The following CSMD1 variants were observed in gnomAD, a reference collection of about 807,000 sequenced individuals.
CSMD1 encodes CUB and Sushi multiple domains 1.
Under a neutral mutation model 417.5 loss-of-function variants are expected in CSMD1, and 213 were observed. The ratio of observed to expected loss-of-function variants is 0.51; its 90% CI spans 0.46 to 0.57. CSMD1 has a LOEUF of 0.57. CSMD1 is among the 20% of genes least tolerant of loss of function. The pLI is 0.00. For missense variants in CSMD1, 6,923 were observed against 4,529.7 expected (o/e 1.53, Z -15.17); for synonymous variants, 2,862 against 1,736.8 (o/e 1.65, Z -16.11).
At chr8:4,631,027 G>A (rs1157501012) in intron 2 of CSMD1, among the ~76,000 whole-genome samples, 1 of 152,136 alleles carries the variant, frequency 6.6e-6, no homozygotes, top group Non-Finnish European at 1.5e-5. Flanking sequence ...TTCACCCTCT[G>A]ATTATCAATC....
chr8:4,453,657 G>A (rs1328369661), intron 2 of CSMD1, among the ~76,000 whole-genome samples: 1 of 151,874 alleles, frequency 6.6e-6, no homozygotes, highest in Non-Finnish European at 1.5e-5. Context: ...TCTAGCCCCC[G>A]ACACCTGCAG....
intron 18 of CSMD1, chr8:3,373,677 T>C (rs187413702): frequency 1.3e-5 from 2 of 152,320 alleles, no homozygotes; most frequent in South Asian, 2.1e-4. Flanking sequence ...TGCTCATAAT[T>C]TGAATTATGT....
chr8:4,519,082 T>G (rs1387339305), intron 2 of CSMD1, among the ~76,000 whole-genome samples: 1 of 152,200 alleles, frequency 6.6e-6, no homozygotes, highest in African/African-American at 2.4e-5. Flanking sequence ...TTCCCACCAA[T>G]TTAATCTCAT....
intron 5 of CSMD1, among the ~76,000 whole-genome samples, chr8:3,950,702 G>A (rs1811543617): frequency 6.6e-6 from 1 of 151,876 alleles, no homozygotes; most frequent in South Asian, 2.1e-4. Context: ...ATGGAGCACA[G>A]GATAAAACTT....
At chr8:4,114,565 G>GCAAGT (rs1554454289) in intron 3 of CSMD1, among the ~76,000 whole-genome samples, 6 of 152,082 alleles carry the variant, frequency 3.9e-5, no homozygotes, top group Admixed American at 6.6e-5. Flanking sequence ...CTTAATAAAT[G>GCAAGT]CATAAGTCTA....
At chr8:3,186,192 T>G (rs985279931) in intron 36 of CSMD1, among the ~76,000 whole-genome samples, 6 of 152,188 alleles carry the variant, frequency 3.9e-5, no homozygotes, top group African/African-American at 1.4e-4. Flanking sequence ...ATGTTTTTAA[T>G]GAGAGAGGCC....
rs1201988082 is a variant in CSMD1 at position 2,998,026 on chromosome 8, G to T, written c.8362C>A (p.Leu2788Met). Residue 2788 changes from leucine to methionine, a missense_variant, in exon 54 of 70, where the codon CTG becomes ATG. Leu to Met is a conservative substitution (Grantham distance 15). Coordinates refer to ENST00000635120, the MANE Select transcript of CSMD1 (RefSeq NM_033225.6). ...CRSNGQWSSP[L>M]PTCRVVNCSD... is the part of the protein sequence containing the mutation. ...CTGTTCCTACCTCGACACGTGGGCA[G>T]AGGGCTACTCCACTGGCCGTTGCTC... is the stretch of plus-strand genomic sequence containing the variant. 1.9e-6 allele frequency: 3 copies of T among 1,613,740 alleles called. No homozygotes were observed. Among genetic ancestry groups the T allele is most frequent in the African/African-American group, 1.3e-5 (1 of 74,936 alleles).
At chr8:3,839,617 A>G in intron 5 of CSMD1, among the ~76,000 whole-genome samples, 1 of 139,414 alleles carries the variant, frequency 7.2e-6, no homozygotes, top group Admixed American at 8.0e-5. Flanking sequence ...TGCCCACTGC[A>G]CTCCAGCCTG....
At chr8:4,482,399 T>C (rs980163486) in intron 2 of CSMD1, among the ~76,000 whole-genome samples, 3 of 152,200 alleles carry the variant, frequency 2.0e-5, no homozygotes, top group Admixed American at 6.5e-5. Flanking sequence ...TCCAGCTCCA[T>C]CCATGCTCCT....
At chr8:4,538,703 A>T (rs1344809597) in intron 2 of CSMD1, among the ~76,000 whole-genome samples, 1 of 152,206 alleles carries the variant, frequency 6.6e-6, no homozygotes, top group Non-Finnish European at 1.5e-5. Flanking sequence ...CCTGGATAAG[A>T]CACTTGTCAT....
intron 3 of CSMD1, among the ~76,000 whole-genome samples, chr8:4,115,553 T>C (rs746707935): frequency 1.3e-5 from 2 of 152,206 alleles, no homozygotes; most frequent in African/African-American, 4.8e-5. Context: ...TAATTCATAA[T>C]TTATTATTTG....
At chr8:4,241,551 G>C (rs1401525658) in intron 3 of CSMD1, among the ~76,000 whole-genome samples, 1 of 152,144 alleles carries the variant, frequency 6.6e-6, no homozygotes, top group East Asian at 1.9e-4. Flanking sequence ...CTATGTCCAT[G>C]CTTAGCACAA....
chr8:3,307,953 CTCCTGACCGTT>C, intron 24 of CSMD1, 132 bp from the exon 25 acceptor site: 4 of 986,532 alleles, frequency 4.1e-6, no homozygotes, highest in Non-Finnish European at 5.8e-6. Context: ...TCATCTCTCT[CTCCTGACCGTT>C]TCAATATTTC....
rs1180617720 is a variant in CSMD1 at position 3,407,392 on chromosome 8, GATGGATGGAAGGATGA to G, written c.2071+491_2071+506del. Among the ~76,000 whole-genome samples the G allele has an allele frequency of 4.6e-5, 7 of 151,336 alleles. No individual in the cohort carries two copies. In the South Asian group the frequency reaches 8.4e-4, roughly 18 times the overall value. ...TAAACAATGGATTGATGGAACGATG[GATGGATGGAAGGATGA>G]ATGGATGGAAGGATGGATGGATAGA... On this transcript the variant is annotated intron_variant, in intron 14 of 69. Coordinates refer to ENST00000635120, the MANE Select transcript of CSMD1 (RefSeq NM_033225.6).
chr8:3,457,312 C>T (rs1816214606), intron 12 of CSMD1, among the ~76,000 whole-genome samples: 3 of 152,194 alleles, frequency 2.0e-5, no homozygotes, highest in African/African-American at 7.2e-5. Flanking sequence ...CCCTGACCTT[C>T]AGCTCACATC....
At chr8:4,702,180 G>A (rs1204370479) in intron 1 of CSMD1, among the ~76,000 whole-genome samples, 1 of 152,094 alleles carries the variant, frequency 6.6e-6, no homozygotes, top group Non-Finnish European at 1.5e-5. Context: ...CTAGGTGATG[G>A]GTTGACAGGT....
At chr8:4,013,747 T>A (rs551740947) in intron 4 of CSMD1, among the ~76,000 whole-genome samples, 1 of 152,336 alleles carries the variant, frequency 6.6e-6, no homozygotes, top group Admixed American at 6.5e-5. Flanking sequence ...AGCTTGTGGG[T>A]TACATTCAGT....
chr8:4,062,375 T>C (rs1172411913), intron 3 of CSMD1, among the ~76,000 whole-genome samples: 1 of 152,038 alleles, frequency 6.6e-6, no homozygotes, highest in Non-Finnish European at 1.5e-5. Flanking sequence ...TGGCTTTTTC[T>C]CAAGCAATAA....
chr8:4,179,374 T>C (rs1283780996), intron 3 of CSMD1, among the ~76,000 whole-genome samples: 1 of 152,144 alleles, frequency 6.6e-6, no homozygotes, highest in Non-Finnish European at 1.5e-5. Context: ...TGGCTAGCCA[T>C]ATGTAGAAAG....
Sources: allele counts gnomAD v4.1 joint callset (sites outside exome capture counted in the v4.1 genomes callset), GRCh38; gene constraint gnomAD v4.1.1; transcripts MANE v1.5; gene names NCBI Gene and HGNC (gene_info 2026-07-23, HGNC 2026-07-21).